The following USPL1 variants were observed in gnomAD, a reference collection of about 807,000 sequenced individuals.
USPL1 encodes the protein ubiquitin specific peptidase like 1.
In USPL1, 27 loss-of-function variants were observed where a neutral mutation model predicts 51.5. That is an observed-to-expected ratio of 0.52 (90% CI 0.39 to 0.72). The LOEUF is 0.72. USPL1 is among the 30% of genes least tolerant of loss of function. The pLI is 0.00. For missense variants in USPL1, 1,226 were observed against 1,268.0 expected, an observed-to-expected ratio of 0.97 and a Z score of 0.50; for synonymous variants, 451 against 459.6, an observed-to-expected ratio of 0.98 and a Z score of 0.24.
intron 7 of USPL1, among the ~76,000 whole-genome samples, chr13:30,649,275 G>A (rs1440515610): frequency 6.6e-6 from 1 of 152,032 alleles, no homozygotes; most frequent in East Asian, 1.9e-4. Flanking sequence ...CTTTATATAA[G>A]TCCTTTGTGT....
chr13:30,637,875 C>T lies in USPL1; in HGVS notation c.982+18C>T. The T allele has an allele frequency of 6.4e-7, 1 of 1,557,312 alleles. No homozygotes were observed. Among genetic ancestry groups the T allele is most frequent in the Non-Finnish European group, 8.9e-7 (1 of 1,129,324 alleles). On this transcript the variant is annotated intron_variant, in intron 5 of 8. Coordinates refer to ENST00000255304, the MANE Select transcript of USPL1 (RefSeq NM_005800.5). ...CACATTAGGTAAGTAATTGGTAAAACTTACTTGTATTATACTCATCTACCA... is the reference window on the plus strand; with the variant it reads ...CACATTAGGTAAGTAATTGGTAAAATTTACTTGTATTATACTCATCTACCA...
chr13:30,633,108 T>C (rs372463738), intron 4 of USPL1, among the ~76,000 whole-genome samples: 7 of 152,322 alleles, frequency 4.6e-5, no homozygotes, highest in African/African-American at 1.7e-4. Context: ...CTCCCCTTAT[T>C]GTAGTTGTAC....
chr13:30,634,584 G>T (rs754940311), intron 4 of USPL1, among the ~76,000 whole-genome samples: 1 of 151,882 alleles, frequency 6.6e-6, no homozygotes, highest in Admixed American at 6.6e-5. Context: ...CTTCCATTTT[G>T]TAAATATAAC....
At chr13:30,647,265 C>T (rs999302815) in intron 7 of USPL1, among the ~76,000 whole-genome samples, 7 of 152,186 alleles carry the variant, frequency 4.6e-5, no homozygotes, top group African/African-American at 1.2e-4. Context: ...TAGGCTGACT[C>T]TCTGGCCCCA....
chr13:30,643,983 A>G (rs1215392395), intron 6 of USPL1, among the ~76,000 whole-genome samples: 1 of 152,034 alleles, frequency 6.6e-6, no homozygotes, highest in Admixed American at 6.6e-5. Flanking sequence ...AAAATGTGAG[A>G]TAAAAATATT....
intron 3 of USPL1, among the ~76,000 whole-genome samples, chr13:30,623,839 G>A (rs1413453340): frequency 2.6e-5 from 4 of 152,288 alleles, no homozygotes; most frequent in Non-Finnish European, 1.5e-5. Context: ...GGCTGGTGCC[G>A]TGTAGGAGGT....
At position 30,660,607 on chromosome 13, in the gene USPL1, C is replaced by G. The variant is rs560375061; in HGVS notation, c.*1251C>G. ...GTGTGGCCTTCTGTAAGAGCCTACG[C>G]CTGTTTGTTACACCGGTAGAGTGCT... On this transcript the variant is annotated 3_prime_UTR_variant, in exon 9 of 9. Transcript: ENST00000255304. 1.3e-5 allele frequency: 2 copies of G among 152,366 alleles called. No homozygotes were observed. The highest frequency in any genetic ancestry group is 4.1e-4 in the South Asian group (2 of 4,826). The allele number at this position is 152,366 out of a possible 1,614,324, so 9.4% of individuals were successfully genotyped here.
intron 6 of USPL1, among the ~76,000 whole-genome samples, chr13:30,645,128 T>A (rs933211554): frequency 2.0e-5 from 3 of 152,198 alleles, no homozygotes; most frequent in South Asian, 2.1e-4. Context: ...CCTCTAAGAC[T>A]TTCTTGCTCA....
At chr13:30,640,109 G>A (rs1950927538) in intron 5 of USPL1, among the ~76,000 whole-genome samples, 1 of 152,100 alleles carries the variant, frequency 6.6e-6, no homozygotes, top group Non-Finnish European at 1.5e-5. Flanking sequence ...CTAATGAAAT[G>A]CTCTGTAATC....
In USPL1 at chr13:30,657,546, C is replaced by CAGAGA; in HGVS notation, c.1470_1474dup (p.Ile492LysfsTer15). ...CACAAGAAATTTGAAGTTCCTGCTTCAGAGATACATATTGTTATTTGGGAA... is the reference window on the plus strand; with the variant it reads ...CACAAGAAATTTGAAGTTCCTGCTTCAGAGAAGAGATACATATTGTTATTTGGGAA... On this transcript the variant is annotated frameshift_variant, in exon 9 of 9. Transcript: ENST00000255304. LOFTEE classifies it low-confidence loss of function (END_TRUNC). 6.2e-7 allele frequency: 1 copy of CAGAGA among 1,613,722 alleles called. No individual in the cohort carries two copies. Among genetic ancestry groups the CAGAGA allele is most frequent in the Non-Finnish European group, 8.5e-7 (1 of 1,179,924 alleles).
chr13:30,659,503 C>G lies in USPL1; in HGVS notation c.*147C>G. The G allele has an allele frequency of 1.5e-6, 1 of 682,036 alleles. No individual in the cohort carries two copies. The allele number at this position is 682,036 out of a possible 1,614,324, so 42.2% of individuals were successfully genotyped here. A position where few individuals can be genotyped will look rare whatever the true frequency, so the allele number is the denominator to read the frequency against. On this transcript the variant is annotated 3_prime_UTR_variant, in exon 9 of 9. Transcript: ENST00000255304. ...TGCAAGGTTTAACCTTTGGTTCTGC[C>G]CATGAAGCATGTAATCTTTCTTACA...
chr13:30,649,005 C>A (rs559899518), intron 7 of USPL1, among the ~76,000 whole-genome samples: 9 of 152,238 alleles, frequency 5.9e-5, no homozygotes, highest in Admixed American at 4.6e-4. Flanking sequence ...TAGACTCGTA[C>A]CATTGTTTTG....
intron 8 of USPL1, among the ~76,000 whole-genome samples, chr13:30,655,099 G>A (rs1459371681): frequency 4.0e-5 from 6 of 151,866 alleles, no homozygotes; most frequent in Admixed American, 6.6e-5. Context: ...TACCATGCCC[G>A]GCTAATTTTG....
rs1950590535 is a variant in USPL1, at chr13:30,617,978, C to T, written c.-147C>T. The T allele has an allele frequency of 6.6e-6, 1 of 152,270 alleles. No individual in the cohort carries two copies. The highest frequency in any genetic ancestry group is 1.5e-5 in the Non-Finnish European group (1 of 68,126). 9.4% of individuals were successfully genotyped at this position (152,270 alleles called of 1,614,324 possible). A position where few individuals can be genotyped will look rare whatever the true frequency, so the allele number is the denominator to read the frequency against. ...CAGTCCGAGGGGAACGTGGGTTGAACGTTGCAACTAGGGTGGAGATCAAGC... is the reference window on the plus strand; with the variant it reads ...CAGTCCGAGGGGAACGTGGGTTGAATGTTGCAACTAGGGTGGAGATCAAGC... On this transcript the variant is annotated 5_prime_UTR_variant, in exon 1 of 9. The change creates a new upstream start codon in the 5' untranslated region. Coordinates refer to ENST00000255304, the MANE Select transcript of USPL1 (RefSeq NM_005800.5).
rs568837556 is a variant in USPL1 at position 30,660,365 on chromosome 13, G to C, written c.*1009G>C. ...AGCAGGGAGAAGCCAAGCTGCAGAG[G>C]CAAGCACTTCCGAGCCTGCAAAAGC... On this transcript the variant is annotated 3_prime_UTR_variant, in exon 9 of 9. Transcript: ENST00000255304. 6.6e-6 allele frequency: 1 copy of C among 152,414 alleles called. No individual in the cohort carries two copies. The highest frequency in any genetic ancestry group is 2.1e-4 in the South Asian group (1 of 4,834). The allele number at this position is 152,414 out of a possible 1,614,324, so 9.4% of individuals were successfully genotyped here. A position where few individuals can be genotyped will look rare whatever the true frequency, so the allele number is the denominator to read the frequency against.
At chr13:30,651,002 C>T (rs1566058815) in intron 7 of USPL1, among the ~76,000 whole-genome samples, 1 of 148,152 alleles carries the variant, frequency 6.7e-6, no homozygotes, top group Admixed American at 6.7e-5. Flanking sequence ...AACAAACAAA[C>T]CAAAAAAAAA....
Position 30,631,289 on chromosome 13 carries a change from A to G in USPL1, c.683A>G (p.Gln228Arg). Residue 228 changes from glutamine to arginine, a missense_variant, in exon 4 of 9, where the codon CAG becomes CGG. Physicochemically the swap from Gln to Arg is conservative, Grantham distance 43. Transcript: ENST00000255304. ...TCATTTCCCCAGGCTTTATGTGTCC[A>G]GTGGAAAAATGCTTATGCTCTCTGT... ...CTSFPQALCV[Q>R]WKNAYALCWL... 1 of 1,614,204 alleles carries G rather than the reference A, an allele frequency of 6.2e-7. No homozygotes were observed. The highest frequency in any genetic ancestry group is 8.5e-7 in the Non-Finnish European group (1 of 1,180,030).
At chr13:30,655,081 G>A (rs1011804472) in intron 8 of USPL1, among the ~76,000 whole-genome samples, 3 of 151,858 alleles carry the variant, frequency 2.0e-5, no homozygotes, top group South Asian at 2.1e-4. Flanking sequence ...CGGAATACAC[G>A]CAGGCGCTAC....
In USPL1 at chr13:30,659,631, G is replaced by A. The variant is rs1951229506; in HGVS notation, c.*275G>A. The stretch of plus-strand genomic sequence containing the variant: ...AGATGAAAAGTGGCGTCTAGTTTCT[G>A]ACAGTTTGTACAGTTGGATGCATTA... On this transcript the variant is annotated 3_prime_UTR_variant, in exon 9 of 9. Coordinates refer to ENST00000255304, the MANE Select transcript of USPL1 (RefSeq NM_005800.5). 6.3e-6 allele frequency: 2 copies of A among 317,598 alleles called. No individual in the cohort carries two copies. The highest frequency in any genetic ancestry group is 1.2e-4 in the East Asian group (2 of 16,896). The allele number at this position is 317,598 out of a possible 1,614,324, so 19.7% of individuals were successfully genotyped here.
Sources: allele counts gnomAD v4.1 joint callset (sites outside exome capture counted in the v4.1 genomes callset), GRCh38; gene constraint gnomAD v4.1.1; transcripts MANE v1.5; gene names NCBI Gene and HGNC (gene_info 2026-07-23, HGNC 2026-07-21).